The following MEGF6 variants were observed in gnomAD, a reference collection of about 807,000 sequenced individuals.
The protein encoded by MEGF6 is multiple epidermal growth factor-like domains protein 6.
Under a neutral mutation model 207.1 loss-of-function variants are expected in MEGF6, and 184 were observed. The ratio of observed to expected loss-of-function variants is 0.89; its 90% CI spans 0.79 to 1.00. The LOEUF is 1.00. Ranked by LOEUF, MEGF6 falls within the 50% of genes least tolerant of loss-of-function variation. MEGF6 has a pLI of 0.00. For missense variants in MEGF6, 2,282 were observed against 2,202.9 expected (o/e 1.04, Z -0.72); for synonymous variants, 1,038 against 910.0 (o/e 1.14, Z -2.53).
intron 4 of MEGF6, among the ~76,000 whole-genome samples, chr1:3,530,196 T>G (rs1397174354): frequency 6.6e-6 from 1 of 152,232 alleles, no homozygotes; most frequent in African/African-American, 2.4e-5. Context: ...TGGGCTGCCC[T>G]AGGCCAAGTG....
chr1:3,500,911 A>G (rs201591632), intron 20 of MEGF6, 55 bp downstream of exon 20: 816 of 1,609,528 alleles, frequency 5.1e-4, no homozygotes, highest in Non-Finnish European at 6.6e-4. Context: ...AGGCCTCTCC[A>G]GGGGCTAGGA....
At chr1:3,546,538 G>A (rs1469238292) in intron 4 of MEGF6, among the ~76,000 whole-genome samples, 10 of 152,002 alleles carry the variant, frequency 6.6e-5, no homozygotes, top group South Asian at 4.2e-4. Flanking sequence ...GCACCGAGGC[G>A]GGGTGGCAGT....
At chr1:3,506,313 C>A (rs1027165708) in intron 14 of MEGF6, 77 bp from the exon 15 acceptor site, 2 of 1,522,178 alleles carry the variant, frequency 1.3e-6, no homozygotes, top group Non-Finnish European at 1.8e-6. Flanking sequence ...TGGTAGGATG[C>A]GCGGGGGCCC....
intron 1 of MEGF6, 121 bp from the exon 2 acceptor site, chr1:3,602,721 G>T: frequency 2.9e-6 from 4 of 1,377,764 alleles, no homozygotes; most frequent in Non-Finnish European, 9.6e-7. Context: ...CCGTGGCCAG[G>T]CCTCCACGGC....
intron 34 of MEGF6, chr1:3,493,297 C>T (rs1640452169): frequency 9.0e-6 from 2 of 222,804 alleles, no homozygotes; most frequent in African/African-American, 2.4e-5. Flanking sequence ...TGAGCCCCTC[C>T]TATCCTCAGG....
chr1:3,619,084 T>G, the MEGF6 span, among the ~76,000 whole-genome samples: 1 of 152,248 alleles, frequency 6.6e-6, no homozygotes, highest in East Asian at 1.9e-4. Flanking sequence ...AGCGGAGATT[T>G]CCAGTGGCAG....
chr1:3,566,214 G>T (rs956120734), intron 4 of MEGF6, among the ~76,000 whole-genome samples: 1 of 152,200 alleles, frequency 6.6e-6, no homozygotes, highest in African/African-American at 2.4e-5. Context: ...CGGGCCAGAG[G>T]GCCGGGCCCT....
intron 4 of MEGF6, chr1:3,531,220 A>G (rs1388212033): frequency 7.4e-6 from 11 of 1,489,072 alleles, no homozygotes; most frequent in Middle Eastern, 2.4e-4. Flanking sequence ...GAGCGCGGCC[A>G]GCCCGCGGTC....
Position 3,575,101 on chromosome 1 carries a change from G to T in MEGF6, c.481+4724C>A, listed in dbSNP as rs139790829. On this transcript the variant is annotated intron_variant, in intron 4 of 36. Transcript: ENST00000356575. Reference sequence around the variant, plus strand: ...CTACAAAAGACAAATCTATTAGGAGGTCATTTGTTCTCAGTAACTTTTTCT... The same window carrying T: ...CTACAAAAGACAAATCTATTAGGAGTTCATTTGTTCTCAGTAACTTTTTCT... Among the ~76,000 whole-genome samples, 928 of 152,310 alleles carry T rather than the reference G, an allele frequency of 6.1e-3. 3 individuals carry two copies. Among genetic ancestry groups the T allele is most frequent in the Non-Finnish European group, 0.01 (691 of 68,026 alleles).
chr1:3,562,382 CTCTG>C (rs1442665551), intron 4 of MEGF6, among the ~76,000 whole-genome samples: 1 of 152,172 alleles, frequency 6.6e-6, no homozygotes, highest in Non-Finnish European at 1.5e-5. Flanking sequence ...GTGTCTCCCT[CTCTG>C]TCTTTGTCTT....
At position 3,526,641 on chromosome 1, in the gene MEGF6, C is replaced by T. The variant is rs1641975150; in HGVS notation, c.482-2395G>A. On this transcript the variant is annotated intron_variant, in intron 4 of 36. Transcript: ENST00000356575. Reference sequence around the variant, plus strand: ...CTCCAACTCCTGACCTCAGGTGATCCACCCGCCTTGGCCTCCCAAAGTGCC... The same window carrying T: ...CTCCAACTCCTGACCTCAGGTGATCTACCCGCCTTGGCCTCCCAAAGTGCC... Among the ~76,000 whole-genome samples, 3 of 152,134 alleles carry T rather than the reference C, an allele frequency of 2.0e-5. No homozygotes were observed. In the South Asian group the frequency reaches 6.2e-4, roughly 32 times the overall value.
intron 3 of MEGF6, 57 bp from the exon 4 acceptor site, chr1:3,579,986 G>T: frequency 7.7e-7 from 1 of 1,296,044 alleles, no homozygotes; most frequent in Admixed American, 3.2e-5. Flanking sequence ...GGCAGGGGGA[G>T]GTGAGGCCTG....
At chr1:3,613,311 C>A (rs1052266292), upstream of MEGF6, among the ~76,000 whole-genome samples, 1 of 152,198 alleles carries the variant, frequency 6.6e-6, no homozygotes, top group Non-Finnish European at 1.5e-5. Context: ...CCAAGAAAAC[C>A]TCCCCAGTGC....
intron 12 of MEGF6, 134 bp from the exon 13 acceptor site, chr1:3,508,823 G>A (rs994620370): frequency 7.2e-5 from 87 of 1,200,362 alleles, no homozygotes; most frequent in Non-Finnish European, 9.0e-5. Flanking sequence ...CCCAAAGGGT[G>A]ACATGGGGAC....
chr1:3,571,041 G>T (rs1282991391), intron 4 of MEGF6, among the ~76,000 whole-genome samples: 1 of 152,148 alleles, frequency 6.6e-6, no homozygotes, highest in Non-Finnish European at 1.5e-5. Flanking sequence ...TGTTCCTCGG[G>T]GGCCTCCAGG....
At chr1:3,567,438 G>T (rs74048630) in intron 4 of MEGF6, among the ~76,000 whole-genome samples, 3,203 of 152,360 alleles carry the variant, frequency 0.021, 123 homozygotes, top group African/African-American at 0.074. Context: ...ACTGCCAGAG[G>T]TCAGGTGGGA....
chr1:3,609,099 A>G (rs1250383205), intron 1 of MEGF6, among the ~76,000 whole-genome samples: 1 of 152,198 alleles, frequency 6.6e-6, no homozygotes, highest in Non-Finnish European at 1.5e-5. Context: ...CCTGCTCATC[A>G]GATTCCCAGG....
At chr1:3,510,998 C>T (rs114650222) in intron 9 of MEGF6, 96 bp from the exon 10 acceptor site, 85,475 of 1,492,798 alleles carry the variant, frequency 0.057, 2,702 homozygotes, top group East Asian at 0.11. Flanking sequence ...ACACAACCCA[C>T]GCGCCCGACT....
rs979736050 is a variant in MEGF6, at chr1:3,488,837, C to G, written c.*1691G>C. ...GTTATTTTTCCACCTTGTGCATTTC[C>G]AGGCTGACTGAGATCATTCACCTTT... is the stretch of plus-strand genomic sequence containing the variant. On this transcript the variant is annotated 3_prime_UTR_variant, in exon 37 of 37. Transcript: ENST00000356575. Among the ~76,000 whole-genome samples, 1 of 152,162 alleles carries G rather than the reference C, an allele frequency of 6.6e-6. No individual in the cohort carries two copies. Among genetic ancestry groups the G allele is most frequent in the Non-Finnish European group, 1.5e-5 (1 of 68,038 alleles).
Sources: gnomAD v4.1 joint callset for allele counts (sites outside exome capture counted in the v4.1 genomes callset) on GRCh38, gnomAD v4.1.1 for gene constraint, MANE v1.5 for transcripts, NCBI Gene and HGNC (gene_info 2026-07-23, HGNC 2026-07-21) for gene names.